Variants in PTPRD observed in about 807,000 individuals in gnomAD.
PTPRD encodes the protein receptor-type tyrosine-protein phosphatase delta.
PTPRD carries 34 observed loss-of-function variants against 214.5 expected under a neutral mutation model. The ratio of observed to expected loss-of-function variants is 0.16; its 90% CI spans 0.12 to 0.21. The LOEUF (loss-of-function observed/expected upper bound fraction) is 0.21, where lower values mean the gene tolerates loss of function less well. PTPRD is among the 10% of genes least tolerant of loss of function. The pLI, the probability that PTPRD is intolerant of heterozygous loss-of-function variation, is 1.00. For missense variants in PTPRD, 2,545 were observed against 2,398.7 expected, an observed-to-expected ratio of 1.06 and a Z score of -1.27; for synonymous variants, 1,128 against 845.7, an observed-to-expected ratio of 1.33 and a Z score of -5.79.
intron 2 of PTPRD, among the ~76,000 whole-genome samples, chr9:10,342,579 TAAAG>T (rs1201044208): frequency 3.3e-5 from 5 of 152,104 alleles, no homozygotes; most frequent in Non-Finnish European, 5.9e-5. Flanking sequence ...AATCTAAAAA[TAAAG>T]AGTCAAAGTA....
chr9:9,215,727 C>T (rs936111552), intron 9 of PTPRD, among the ~76,000 whole-genome samples: 3 of 152,180 alleles, frequency 2.0e-5, no homozygotes, highest in East Asian at 1.9e-4. Context: ...ACACATGTAG[C>T]TGTTCATGAC....
chr9:10,081,449 T>C (rs1030181120), intron 3 of PTPRD, among the ~76,000 whole-genome samples: 1 of 151,970 alleles, frequency 6.6e-6, no homozygotes, highest in Non-Finnish European at 1.5e-5. Context: ...GGGAGGCAAT[T>C]AGGTCATGAA....
rs144421413 is a variant in PTPRD at position 10,317,832 on chromosome 9, T to G, written c.-545+23131A>C. ...GACTATTCTACTTACACTAGAAAAT[T>G]TACCTTTGGCTCACATGTGATACAT... is the stretch of plus-strand genomic sequence containing the variant. On this transcript the variant is annotated intron_variant, in intron 3 of 45. Coordinates refer to ENST00000381196, the MANE Select transcript of PTPRD (RefSeq NM_002839.4). Among the ~76,000 whole-genome samples, 9 of 152,148 alleles carry G rather than the reference T, an allele frequency of 5.9e-5. No individual in the cohort carries two copies. In the East Asian group the frequency reaches 1.8e-3, roughly 30 times the overall value.
chr9:9,825,886 A>G (rs2052648609), intron 5 of PTPRD, among the ~76,000 whole-genome samples: 1 of 151,720 alleles, frequency 6.6e-6, no homozygotes, highest in South Asian at 2.1e-4. Flanking sequence ...TCCAAATGAC[A>G]CATTTATTCT....
chr9:8,478,316 T>C (rs1367079612), intron 30 of PTPRD, among the ~76,000 whole-genome samples: 1 of 152,178 alleles, frequency 6.6e-6, no homozygotes, highest in East Asian at 1.9e-4. Flanking sequence ...AACACAAATC[T>C]TATGAAGCAA....
intron 5 of PTPRD, among the ~76,000 whole-genome samples, chr9:9,793,968 G>A (rs1159128665): frequency 6.6e-6 from 1 of 151,894 alleles, no homozygotes; most frequent in East Asian, 1.9e-4. Flanking sequence ...ATAATCAAAA[G>A]GAGTAAGAAA....
intron 13 of PTPRD, among the ~76,000 whole-genome samples, chr9:8,633,850 A>G (rs2096338604): frequency 6.6e-6 from 1 of 152,078 alleles, no homozygotes; most frequent in African/African-American, 2.4e-5. Context: ...GATTCATTCA[A>G]TAATGGGACT....
At chr9:9,704,867 A>G (rs1564648859) in intron 7 of PTPRD, among the ~76,000 whole-genome samples, 1 of 152,224 alleles carries the variant, frequency 6.6e-6, no homozygotes, top group African/African-American at 2.4e-5. Flanking sequence ...CCATCAAGAG[A>G]TATCTGTTGA....
At chr9:8,713,700 A>T in intron 12 of PTPRD, 1 of 1,512,448 alleles carries the variant, frequency 6.6e-7, no homozygotes, top group Non-Finnish European at 9.1e-7. Flanking sequence ...TGATGGTGGA[A>T]GAGATCGCGG....
At chr9:9,915,190 C>T (rs2080359886) in intron 5 of PTPRD, among the ~76,000 whole-genome samples, 2 of 152,174 alleles carry the variant, frequency 1.3e-5, no homozygotes, top group Admixed American at 6.5e-5. Context: ...AAGGCCCACA[C>T]ACCCTACCAA....
intron 4 of PTPRD, among the ~76,000 whole-genome samples, chr9:9,975,101 C>T (rs971707808): frequency 6.8e-6 from 1 of 148,056 alleles, no homozygotes; most frequent in Non-Finnish European, 1.5e-5. Context: ...CCCGTTAGCA[C>T]TGTCTTTCTG....
At chr9:10,084,370 T>C (rs1027786452) in intron 3 of PTPRD, among the ~76,000 whole-genome samples, 2 of 151,924 alleles carry the variant, frequency 1.3e-5, no homozygotes, top group African/African-American at 4.8e-5. Flanking sequence ...AAACTGTATA[T>C]CTGTTAAATT....
intron 3 of PTPRD, among the ~76,000 whole-genome samples, chr9:10,045,041 G>C (rs1350901050): frequency 2.0e-5 from 3 of 151,602 alleles, no homozygotes; most frequent in African/African-American, 4.8e-5. Context: ...TGCAGAAATT[G>C]CTCACTATGT....
rs142927601 is a variant in PTPRD at position 10,036,686 on chromosome 9, G to C, written c.-544-2896C>G. ...TACAACCTCCACCTCCTGGGTTCAA[G>C]TGATTCTCCTACCTCAGCCTCCCAA... On this transcript the variant is annotated intron_variant, in intron 3 of 45. Transcript: ENST00000381196. 1.1e-3 allele frequency among the ~76,000 whole-genome samples: 165 copies of C among 152,138 alleles called. 5 individuals are homozygous for C. In the East Asian group the frequency reaches 0.027, roughly 25 times the overall value.
chr9:8,642,350 C>T (rs942403276), intron 12 of PTPRD, among the ~76,000 whole-genome samples: 3 of 152,138 alleles, frequency 2.0e-5, no homozygotes, highest in Admixed American at 2.0e-4. Context: ...ATTAACATTT[C>T]CTTAAATACA....
intron 7 of PTPRD, among the ~76,000 whole-genome samples, chr9:9,646,652 T>C (rs2096189362): frequency 6.6e-6 from 1 of 152,150 alleles, no homozygotes; most frequent in South Asian, 2.1e-4. Flanking sequence ...CTATAAAAAA[T>C]AGTAGTCCCT....
intron 12 of PTPRD, among the ~76,000 whole-genome samples, chr9:8,707,089 C>G (rs573500780): frequency 2.0e-5 from 3 of 152,244 alleles, no homozygotes; most frequent in African/African-American, 4.8e-5. Context: ...CAACAGCAAG[C>G]CTACAATCAA....
chr9:9,514,267 C>G (rs1185190076), intron 8 of PTPRD, among the ~76,000 whole-genome samples: 1 of 152,006 alleles, frequency 6.6e-6, no homozygotes, highest in African/African-American at 2.4e-5. Context: ...GTGGCTTTAA[C>G]AGGATCTATC....
chr9:8,366,273 G>C (rs1236235187), intron 39 of PTPRD, among the ~76,000 whole-genome samples: 3 of 152,082 alleles, frequency 2.0e-5, no homozygotes, highest in Non-Finnish European at 2.9e-5. Context: ...ATTTTATCTA[G>C]TTCTTTTTTT....
Sources: allele counts gnomAD v4.1 joint callset (sites outside exome capture counted in the v4.1 genomes callset), GRCh38; gene constraint gnomAD v4.1.1; transcripts MANE v1.5; gene names NCBI Gene and HGNC (gene_info 2026-07-23, HGNC 2026-07-21).